The following GAS2L3 variants were observed in gnomAD, a reference collection of about 807,000 sequenced individuals.
GAS2L3 encodes the protein growth arrest specific 2 like 3.
A neutral mutation model predicts 37.0 loss-of-function variants in GAS2L3; 28 were observed. The ratio of observed to expected loss-of-function variants is 0.76; its 90% CI spans 0.56 to 1.04. The LOEUF (loss-of-function observed/expected upper bound fraction) is 1.04, where lower values mean the gene tolerates loss of function less well. Ranked by LOEUF, GAS2L3 falls within the 50% of genes least tolerant of loss-of-function variation. The probability of loss-of-function intolerance (pLI) is 0.00; values close to 1 mark genes in which losing one functional copy is unlikely to be tolerated. For synonymous variants in GAS2L3, 290 were observed against 296.6 expected (o/e 0.98, Z 0.23); for missense variants, 793 against 817.6 (o/e 0.97, Z 0.37).
intron 5 of GAS2L3, among the ~76,000 whole-genome samples, chr12:100,611,473 A>G (rs1956126084): frequency 3.9e-5 from 6 of 152,176 alleles, no homozygotes. Flanking sequence ...TCATTTTTCT[A>G]GGAATCATTT....
At chr12:100,579,922 C>T in intron 1 of GAS2L3, 1 of 766,278 alleles carries the variant, frequency 1.3e-6, no homozygotes, top group Admixed American at 1.7e-5. Flanking sequence ...GTGGAGAGAA[C>T]TGAAAAAGCG....
chr12:100,584,719 G>A (rs573616578), intron 1 of GAS2L3, among the ~76,000 whole-genome samples: 12 of 150,942 alleles, frequency 8.0e-5, no homozygotes, highest in African/African-American at 2.9e-4. Context: ...GACTATGGGT[G>A]CTGCTGCCAT....
intron 1 of GAS2L3, chr12:100,579,712 G>C (rs1314864749): frequency 1.4e-5 from 11 of 768,966 alleles, no homozygotes; most frequent in South Asian, 4.2e-5. Context: ...GCAGCCAGCT[G>C]TGGTTTACAG....
rs373091248 is a variant in GAS2L3 at position 100,624,710 on chromosome 12, C to T, written c.1905C>T (p.Val635=). 3.3e-5 allele frequency: 54 copies of T among 1,614,040 alleles called. No individual in the cohort carries two copies. Among genetic ancestry groups the T allele is most frequent in the Non-Finnish European group, 3.8e-5 (45 of 1,180,018 alleles). ...CTGCACCGAAGTCAGCACAGACTGT[C>T]GCTAAGAGCCAGCATTCAACTAAAG... is the stretch of plus-strand genomic sequence containing the variant. ...TQTAPKSAQT[V]AKSQHSTKGP... is the part of the protein sequence containing the mutation. The change falls in exon 10 of 10, where the codon GTC becomes GTT. Residue 635 remains valine, a synonymous_variant. Coordinates refer to ENST00000547754, the MANE Select transcript of GAS2L3 (RefSeq NM_174942.3).
intron 6 of GAS2L3, among the ~76,000 whole-genome samples, chr12:100,614,061 A>G (rs781057498): frequency 6.6e-6 from 1 of 152,208 alleles, no homozygotes; most frequent in Non-Finnish European, 1.5e-5. Context: ...CATGTGTTCT[A>G]TGATCAGGCC....
chr12:100,587,987 G>C (rs1955801559), intron 1 of GAS2L3, among the ~76,000 whole-genome samples: 1 of 152,198 alleles, frequency 6.6e-6, no homozygotes, highest in African/African-American at 2.4e-5. Flanking sequence ...AGGAGGTGGA[G>C]CTTGCAGTGA....
At position 100,618,373 on chromosome 12, in the gene GAS2L3, G is replaced by A. The variant is rs1012341768; in HGVS notation, c.510-76G>A. ...GATCATATAGACTTTACTTCAGAAA[G>A]AAAATCTATCTTGATATGCAGGCAA... On this transcript the variant is annotated intron_variant, in intron 7 of 9. Transcript: ENST00000547754. 4 of 1,436,216 alleles carry A rather than the reference G, an allele frequency of 2.8e-6. No homozygotes were observed. The African/African-American group carries it at 4.3e-5, about 15-fold the overall frequency. The allele number at this position is 1,436,216 out of a possible 1,614,324, so 89.0% of individuals were successfully genotyped here.
chr12:100,585,214 T>C (rs1326410140), intron 1 of GAS2L3, among the ~76,000 whole-genome samples: 1 of 151,010 alleles, frequency 6.6e-6, no homozygotes, highest in Non-Finnish European at 1.5e-5. Flanking sequence ...TGAATGTTTT[T>C]AAAGGCTTCC....
intron 1 of GAS2L3, chr12:100,579,304 T>C: frequency 3.1e-6 from 2 of 641,650 alleles, no homozygotes; most frequent in South Asian, 1.8e-5. Context: ...TTTCTTATAC[T>C]AGTAAGGAAA....
rs1956327154 is a variant in GAS2L3, at chr12:100,625,872, T to A, written c.*982T>A. ...TATCATGAAATTATTTTTCTCTAGA[T>A]AGCACAATACCAATTTTAATTAATT... On this transcript the variant is annotated 3_prime_UTR_variant, in exon 10 of 10. Coordinates refer to ENST00000547754, the MANE Select transcript of GAS2L3 (RefSeq NM_174942.3). 1 of 152,198 alleles carries A rather than the reference T, an allele frequency of 6.6e-6. No individual in the cohort carries two copies. 9.4% of individuals were successfully genotyped at this position (152,198 alleles called of 1,614,324 possible). A position where few individuals can be genotyped will look rare whatever the true frequency, so the allele number is the denominator to read the frequency against.
chr12:100,590,586 G>T (rs970618578), intron 1 of GAS2L3, among the ~76,000 whole-genome samples: 3 of 152,128 alleles, frequency 2.0e-5, no homozygotes, highest in Non-Finnish European at 4.4e-5. Flanking sequence ...CAGAGGAAAA[G>T]AAGTCATTCG....
At chr12:100,597,813 G>A (rs527761895) in intron 3 of GAS2L3, among the ~76,000 whole-genome samples, 1 of 152,024 alleles carries the variant, frequency 6.6e-6, no homozygotes, top group South Asian at 2.1e-4. Context: ...CATTGCTATA[G>A]CTTTTGATCT....
chr12:100,576,171 T>C (rs1057056524), intron 1 of GAS2L3, among the ~76,000 whole-genome samples: 4 of 152,186 alleles, frequency 2.6e-5, no homozygotes, highest in Admixed American at 2.0e-4. Flanking sequence ...GTTTGGAGAA[T>C]TGGCTGTTTC....
intron 5 of GAS2L3, among the ~76,000 whole-genome samples, chr12:100,609,099 C>T (rs1250017200): frequency 6.6e-6 from 1 of 152,076 alleles, no homozygotes; most frequent in African/African-American, 2.4e-5. Flanking sequence ...GAAATGCTGA[C>T]CAAGAGCCTA....
In GAS2L3 at chr12:100,626,642, TAAAA is replaced by T. The variant is rs1565818147; in HGVS notation, c.*1753_*1756del. 6.6e-6 allele frequency: 1 copy of T among 152,140 alleles called. No homozygotes were observed. The highest frequency in any genetic ancestry group is 1.5e-5 in the Non-Finnish European group (1 of 68,006). 9.4% of individuals were successfully genotyped at this position (152,140 alleles called of 1,614,324 possible). On this transcript the variant is annotated 3_prime_UTR_variant, in exon 10 of 10. Transcript: ENST00000547754. ...TTCTTTATCAGTAACTTTTAGAACT[TAAAA>T]GAAAGCAAAAAGTAAATGGAATTGT...
chr12:100,580,094 T>C (rs1396565184), intron 1 of GAS2L3: 4 of 1,156,596 alleles, frequency 3.5e-6, no homozygotes, highest in Non-Finnish European at 5.2e-6. Flanking sequence ...ATTCTTATCA[T>C]TGATACTGGA....
intron 1 of GAS2L3, among the ~76,000 whole-genome samples, chr12:100,581,624 T>C (rs1045254958): frequency 1.3e-5 from 2 of 152,052 alleles, no homozygotes; most frequent in Non-Finnish European, 2.9e-5. Context: ...AAAGCAAGAG[T>C]CCAGTTTTTA....
intron 2 of GAS2L3, among the ~76,000 whole-genome samples, chr12:100,592,186 T>C (rs558492233): frequency 6.6e-6 from 1 of 152,128 alleles, no homozygotes; most frequent in Non-Finnish European, 1.5e-5. Flanking sequence ...TTCCTCTCTC[T>C]TCCTCAGTAG....
intron 1 of GAS2L3, among the ~76,000 whole-genome samples, chr12:100,574,454 A>G (rs1955611087): frequency 6.6e-6 from 1 of 152,106 alleles, no homozygotes; most frequent in Admixed American, 6.5e-5. Context: ...CTGCCCGGGG[A>G]GAGGCTGGCA....
Sources: allele counts gnomAD v4.1 joint callset (sites outside exome capture counted in the v4.1 genomes callset), GRCh38; gene constraint gnomAD v4.1.1; transcripts MANE v1.5; gene names NCBI Gene and HGNC (gene_info 2026-07-23, HGNC 2026-07-21).